Variants in CYP2C19 observed in about 807,000 individuals in gnomAD.
CYP2C19 encodes cytochrome P450 2C19.
CYP2C19 carries 59 observed loss-of-function variants against 40.9 expected under a neutral mutation model. The observed-to-expected ratio is 1.44, with a 90% CI of 1.17 to 1.79. The LOEUF (loss-of-function observed/expected upper bound fraction) is 1.79. Ranked by LOEUF, CYP2C19 falls within the 40% of genes most tolerant of loss-of-function variation. The pLI, the probability that CYP2C19 is intolerant of heterozygous loss-of-function variation, is 0.00. For missense variants in CYP2C19, 754 were observed against 596.9 expected, an observed-to-expected ratio of 1.26 and a Z score of -2.74; for synonymous variants, 253 against 208.7, an observed-to-expected ratio of 1.21 and a Z score of -1.83.
At chr10:94,775,741 T>G in intron 3 of CYP2C19, 1 of 782,392 alleles carries the variant, frequency 1.3e-6, no homozygotes, top group Non-Finnish European at 2.0e-6. Flanking sequence ...GTGCATACAG[T>G]GTGGGTATAA....
chr10:94,764,337 G>A (rs1328533742), intron 1 of CYP2C19, among the ~76,000 whole-genome samples: 1 of 152,100 alleles, frequency 6.6e-6, no homozygotes, highest in Non-Finnish European at 1.5e-5. Flanking sequence ...AGTGCTGATT[G>A]GTGTGTTTAC....
intron 5 of CYP2C19, among the ~76,000 whole-genome samples, chr10:94,799,478 T>C (rs1285900170): frequency 6.6e-6 from 1 of 152,164 alleles, no homozygotes; most frequent in East Asian, 1.9e-4. Context: ...CAATTATGTG[T>C]CTTGGGGTTG....
At chr10:94,846,725 A>T (rs1318027501) in intron 7 of CYP2C19, among the ~76,000 whole-genome samples, 2 of 151,848 alleles carry the variant, frequency 1.3e-5, no homozygotes, top group African/African-American at 4.8e-5. Context: ...TTTAGGGTAC[A>T]TGTGCACAAT....
chr10:94,800,498 G>T (rs996671567), intron 5 of CYP2C19, among the ~76,000 whole-genome samples: 1 of 152,230 alleles, frequency 6.6e-6, no homozygotes, highest in East Asian at 1.9e-4. Context: ...ACTTGAGGTG[G>T]CAGTCTGTCT....
intron 3 of CYP2C19, among the ~76,000 whole-genome samples, chr10:94,779,258 C>T (rs1378533292): frequency 4.6e-5 from 7 of 152,094 alleles, no homozygotes; most frequent in South Asian, 4.1e-4. Context: ...ATTCTGCACA[C>T]GTGTCCCAGA....
At chr10:94,771,796 C>T (rs893652467) in intron 1 of CYP2C19, among the ~76,000 whole-genome samples, 4 of 152,070 alleles carry the variant, frequency 2.6e-5, no homozygotes, top group African/African-American at 4.8e-5. Flanking sequence ...GCCCAAGAAC[C>T]CAAAACAGTC....
At chr10:94,830,945 A>G (rs1027511624) in intron 6 of CYP2C19, among the ~76,000 whole-genome samples, 1 of 152,292 alleles carries the variant, frequency 6.6e-6, no homozygotes, top group Non-Finnish European at 1.5e-5. Flanking sequence ...AAAATATACA[A>G]TTAAGTTATT....
At chr10:94,772,677 C>T (rs948797640) in intron 1 of CYP2C19, among the ~76,000 whole-genome samples, 1 of 152,210 alleles carries the variant, frequency 6.6e-6, no homozygotes, top group Non-Finnish European at 1.5e-5. Flanking sequence ...GAAGCTGGTT[C>T]CAGGCAAACC....
intron 4 of CYP2C19, among the ~76,000 whole-genome samples, chr10:94,780,933 T>C (rs1848471321): frequency 6.6e-6 from 1 of 152,180 alleles, no homozygotes; most frequent in South Asian, 2.1e-4. Flanking sequence ...ATAAAGTACT[T>C]TGGTGACAGC....
At chr10:94,769,385 G>C (rs1268156081) in intron 1 of CYP2C19, among the ~76,000 whole-genome samples, 1 of 152,174 alleles carries the variant, frequency 6.6e-6, no homozygotes, top group Admixed American at 6.5e-5. Flanking sequence ...GTTGGGACGT[G>C]TGGTCTGAGG....
chr10:94,821,846 A>G (rs1337854827), intron 6 of CYP2C19, among the ~76,000 whole-genome samples: 1 of 151,906 alleles, frequency 6.6e-6, no homozygotes, highest in East Asian at 1.9e-4. Flanking sequence ...ACATGGGTAA[A>G]TTGTGTAACA....
intron 6 of CYP2C19, among the ~76,000 whole-genome samples, chr10:94,821,274 G>T (rs927970903): frequency 3.3e-5 from 5 of 152,158 alleles, no homozygotes; most frequent in Non-Finnish European, 5.9e-5. Context: ...GGGATTGCAT[G>T]TTGGTTTTAT....
At chr10:94,822,915 TA>T (rs1564676670) in intron 6 of CYP2C19, among the ~76,000 whole-genome samples, 2 of 151,272 alleles carry the variant, frequency 1.3e-5, no homozygotes, top group African/African-American at 4.8e-5. Context: ...TCACCATTTC[TA>T]ATTTTTTTTT....
At chr10:94,833,893 G>A (rs952549462) in intron 6 of CYP2C19, among the ~76,000 whole-genome samples, 10 of 152,102 alleles carry the variant, frequency 6.6e-5, no homozygotes, top group Admixed American at 5.9e-4. Flanking sequence ...ATTGTTGAAT[G>A]TGGTTTCCTA....
chr10:94,818,012 CAAAAAAA>C (rs71031597), intron 5 of CYP2C19, among the ~76,000 whole-genome samples: 7 of 77,154 alleles, frequency 9.1e-5, no homozygotes, highest in Admixed American at 1.6e-4. Context: ...GACTCCATCT[CAAAAAAA>C]AAAAAAAAAA....
chr10:94,849,972 C>T lies in CYP2C19; in HGVS notation c.1205C>T (p.Pro402Leu), dbSNP rs750669060. Residue 402 changes from proline (P) to leucine (L), a missense_variant, in exon 8 of 9, where the codon CCC (proline) becomes CTC (leucine). By Grantham distance (98) the Pro-to-Leu change is moderately conservative. Coordinates refer to ENST00000371321, the MANE Select transcript of CYP2C19 (RefSeq NM_000769.4). ...TSVLHDNKEF[P>L]NPEMFDPRHF... The stretch of plus-strand genomic sequence containing the variant: ...GTGCTACATGACAACAAAGAATTTC[C>T]CAACCCAGAGATGTTTGACCCTCGT... The T allele has an allele frequency of 2.3e-5, 37 of 1,613,572 alleles. 3 individuals are homozygous for T. The South Asian group carries it at 4.0e-4, about 17-fold the overall frequency.
chr10:94,811,214 G>A (rs1848918202), intron 5 of CYP2C19, among the ~76,000 whole-genome samples: 1 of 152,162 alleles, frequency 6.6e-6, no homozygotes, highest in African/African-American at 2.4e-5. Context: ...TTAATCCCGA[G>A]TTTTAATTTG....
chr10:94,803,525 C>A (rs1848794334), intron 5 of CYP2C19, among the ~76,000 whole-genome samples: 1 of 152,134 alleles, frequency 6.6e-6, no homozygotes. Flanking sequence ...GTCTGGGCTC[C>A]CTGCTCAGCC....
At position 94,771,987 on chromosome 10, in the gene CYP2C19, G is replaced by A. The variant is rs1356271316; in HGVS notation, c.169-3071G>A. 3.9e-5 allele frequency among the ~76,000 whole-genome samples: 6 copies of A among 152,124 alleles called. 1 individual carries two copies. Among genetic ancestry groups the A allele is most frequent in the Non-Finnish European group, 8.8e-5 (6 of 68,020 alleles). On this transcript the variant is annotated intron_variant, in intron 1 of 8. Coordinates refer to ENST00000371321, the MANE Select transcript of CYP2C19 (RefSeq NM_000769.4). ...CCACAAAGAGGACTGAGAAAAATCA[G>A]ATTTAGTTGCCCTTACCAATGCATT...
Sources: allele counts gnomAD v4.1 joint callset (sites outside exome capture counted in the v4.1 genomes callset), GRCh38; gene constraint gnomAD v4.1.1; transcripts MANE v1.5; gene names NCBI Gene and HGNC (gene_info 2026-07-23, HGNC 2026-07-21).